Variants in CHERP observed in about 807,000 individuals in gnomAD.
The protein encoded by CHERP is ERPROT 213-21.
CHERP carries 8 observed loss-of-function variants against 113.8 expected under a neutral mutation model. The observed-to-expected ratio is 0.07, with a 90% CI of 0.04 to 0.13. The LOEUF (loss-of-function observed/expected upper bound fraction) is 0.13. CHERP is among the 10% of genes least tolerant of loss of function. The pLI is 1.00. For missense variants in CHERP, 884 were observed against 1,298.2 expected (o/e 0.68, Z 4.90); for synonymous variants, 559 against 524.5 (o/e 1.07, Z -0.90).
rs982450300 is a variant in CHERP, at chr19:16,519,062, A to G, written c.*97T>C. ...GCTCTCCACAAGTGGAGACGGTGTA[A>G]GAACTGAGCTGTCACTGCAATCTTC... is the stretch of plus-strand genomic sequence containing the variant. On this transcript the variant is annotated 3_prime_UTR_variant, in exon 17 of 17. Transcript: ENST00000546361. The surrounding 1 kb of genome is among the most constrained non-coding windows in gnomAD (Gnocchi z 6.0). 3.1e-5 allele frequency: 34 copies of G among 1,111,356 alleles called. No homozygotes were observed. The African/African-American group carries it at 4.3e-4, about 14-fold the overall frequency. The allele number at this position is 1,111,356 out of a possible 1,614,324, so 68.8% of individuals were successfully genotyped here.
At chr19:16,534,696 G>A (rs7259054) in intron 3 of CHERP, among the ~76,000 whole-genome samples, 51,733 of 151,644 alleles carry the variant, frequency 0.34, 10,173 homozygotes, top group African/African-American at 0.55. Context: ...GGCTAGCCTC[G>A]AACTCCTGAC....
At position 16,525,311 on chromosome 19, in the gene CHERP, G is replaced by A. The variant is rs1409686602; in HGVS notation, c.1672C>T (p.Pro558Ser). ...GGCGGCCGCTCGAAGGGGTGCCGTG[G>A]CGGGAAGTCGTCCTGCATGAAGCGG... is the stretch of plus-strand genomic sequence containing the variant. Reference protein sequence around the residue: ...PPRFMQDDFPPRHPFERPPYP... With the variant: ...PPRFMQDDFPSRHPFERPPYP... The change falls in exon 10 of 17, where the codon CCA becomes TCA. Residue 558 changes from proline to serine, a missense_variant. By Grantham distance (74) the Pro-to-Ser change is moderately conservative. Transcript: ENST00000546361. This position sits in a 1 kb window ranked among gnomAD's most constrained non-coding sequence, Gnocchi z 6.5. 1.4e-6 allele frequency: 2 copies of A among 1,455,842 alleles called. No homozygotes were observed. Among genetic ancestry groups the A allele is most frequent in the Non-Finnish European group, 9.1e-7 (1 of 1,103,014 alleles). The allele number at this position is 1,455,842 out of a possible 1,614,324, so 90.2% of individuals were successfully genotyped here.
Position 16,529,800 on chromosome 19 carries a change from G to A in CHERP, c.977C>T (p.Thr326Ile). The stretch of plus-strand genomic sequence containing the variant: ...CTGCTGCTGCTGCTGGGCCAGGCTG[G>A]TGACAAACTCCTCGTGCTGCGTCTT... ...TLKTQHEEFV[T>I]SLAQQQQQQQ... Residue 326 changes from threonine to isoleucine, a missense_variant, in exon 8 of 17, where the codon ACC becomes ATC. By Grantham distance (89) the Thr-to-Ile change is moderately conservative. Around this residue, in one of 8 missense-constraint regions of CHERP, gnomAD observed 464 missense variants for 590.1 expected, o/e 0.79. Coordinates refer to ENST00000546361, the MANE Select transcript of CHERP (RefSeq NM_006387.6). 1 of 1,613,574 alleles carries A rather than the reference G, an allele frequency of 6.2e-7. No homozygotes were observed. Among genetic ancestry groups the A allele is most frequent in the Middle Eastern group, 1.7e-4 (1 of 6,054 alleles).
chr19:16,542,093 A>G (rs2085783949), intron 1 of CHERP, 50 bp from the exon 2 acceptor site: 1 of 1,559,914 alleles, frequency 6.4e-7, no homozygotes, highest in Admixed American at 2.0e-5. Context: ...GACCGCCCAA[A>G]GCCGGGGGAC....
intron 8 of CHERP, 72 bp downstream of exon 8, chr19:16,529,572 GCTTT>G (rs1179781630): frequency 5.4e-6 from 8 of 1,484,078 alleles, no homozygotes; most frequent in African/African-American, 1.4e-5. Context: ...GTGGCAGACT[GCTTT>G]CTGACTACAC....
chr19:16,539,248 C>T (rs368476190), intron 2 of CHERP, among the ~76,000 whole-genome samples: 13 of 150,702 alleles, frequency 8.6e-5, no homozygotes, highest in African/African-American at 2.7e-4. Flanking sequence ...CCCAGGTTCA[C>T]GCCATTCTCC....
At position 16,535,985 on chromosome 19, in the gene CHERP, G is replaced by A. The variant is rs2085738748; in HGVS notation, c.200-349C>T. Among the ~76,000 whole-genome samples, 1 of 152,184 alleles carries A rather than the reference G, an allele frequency of 6.6e-6. No homozygotes were observed. Among genetic ancestry groups the A allele is most frequent in the South Asian group, 2.1e-4 (1 of 4,834 alleles). ...CTCCTCACCCACCTAGGCCCCACCT[G>A]ATGCAGAACCCAGGCCTCAGTACCT... On this transcript the variant is annotated intron_variant, in intron 2 of 16. Coordinates refer to ENST00000546361, the MANE Select transcript of CHERP (RefSeq NM_006387.6). This position sits in a 1 kb window ranked among gnomAD's most constrained non-coding sequence, Gnocchi z 4.3.
At position 16,520,320 on chromosome 19, in the gene CHERP, C is replaced by G; in HGVS notation, c.2345+44G>C. ...GCAGCCAGGCGTCGTGGGGAGGCCA[C>G]AGGAAGAGGCCTCAGGCACTGCCCT... On this transcript the variant is annotated intron_variant, in intron 14 of 16. Transcript: ENST00000546361. This position sits in a 1 kb window ranked among gnomAD's most constrained non-coding sequence, Gnocchi z 4.0. The G allele has an allele frequency of 6.2e-7, 1 of 1,611,410 alleles. No homozygotes were observed. Among genetic ancestry groups the G allele is most frequent in the Non-Finnish European group, 8.5e-7 (1 of 1,178,224 alleles).
chr19:16,531,162 C>T (rs1032534575), intron 5 of CHERP, among the ~76,000 whole-genome samples: 1 of 152,204 alleles, frequency 6.6e-6, no homozygotes, highest in African/African-American at 2.4e-5. Context: ...ATAACCTTCC[C>T]TCCTTCCCTC....
chr19:16,525,138 T>G lies in CHERP; in HGVS notation c.1741+104A>C, dbSNP rs971262027. The G allele has an allele frequency of 9.0e-7, 1 of 1,107,872 alleles. No individual in the cohort carries two copies. The highest frequency in any genetic ancestry group is 1.7e-5 in the African/African-American group (1 of 60,098). 68.6% of individuals were successfully genotyped at this position (1,107,872 alleles called of 1,614,324 possible). On this transcript the variant is annotated intron_variant, in intron 10 of 16. Transcript: ENST00000546361. The surrounding 1 kb of genome is among the most constrained non-coding windows in gnomAD (Gnocchi z 6.5). Reference sequence around the variant, plus strand: ...TCCCATGACCCTGTGTCTGTCACTGTGCACTCAGGAGCATGGCAGGGCCAC... The same window carrying G: ...TCCCATGACCCTGTGTCTGTCACTGGGCACTCAGGAGCATGGCAGGGCCAC...
chr19:16,529,616 T>TG, intron 8 of CHERP, 32 bp downstream of exon 8: 10 of 1,529,588 alleles, frequency 6.5e-6, no homozygotes, highest in Non-Finnish European at 8.8e-6. Context: ...GGCTGTTTCC[T>TG]GGGGGCAGGC....
In CHERP at chr19:16,519,157, G is replaced by T; in HGVS notation, c.*2C>A. 1 of 1,611,524 alleles carries T rather than the reference G, an allele frequency of 6.2e-7. No individual in the cohort carries two copies. The highest frequency in any genetic ancestry group is 1.1e-5 in the South Asian group (1 of 90,732). ...CACCGGCGCGGCTCCCGGCATGGGC[G>T]CCTACTTACACTCGTCCCTGGCCTT... On this transcript the variant is annotated 3_prime_UTR_variant, in exon 17 of 17. Transcript: ENST00000546361. This position sits in a 1 kb window ranked among gnomAD's most constrained non-coding sequence, Gnocchi z 6.0.
chr19:16,538,935 G>GC (rs1478552813), intron 2 of CHERP, among the ~76,000 whole-genome samples: 1 of 150,962 alleles, frequency 6.6e-6, no homozygotes, highest in African/African-American at 2.4e-5. Context: ...CACCCCACCT[G>GC]CCCCCCATGC....
intron 9 of CHERP, among the ~76,000 whole-genome samples, chr19:16,526,713 C>T (rs2085660030): frequency 6.6e-6 from 1 of 151,124 alleles, no homozygotes; most frequent in African/African-American, 2.4e-5. Flanking sequence ...ATGATCTGCC[C>T]ACCTCAGCCT....
Position 16,530,907 on chromosome 19 carries a change from C to G in CHERP, c.675-27G>C, listed in dbSNP as rs2085697621. Reference sequence around the variant, plus strand: ...TGTGAGGGAGAGACTTTCCGCGCGTCAGGGCCCTGGGGCGGGACCCGGCCA... The same window carrying G: ...TGTGAGGGAGAGACTTTCCGCGCGTGAGGGCCCTGGGGCGGGACCCGGCCA... On this transcript the variant is annotated intron_variant, in intron 5 of 16. Coordinates refer to ENST00000546361, the MANE Select transcript of CHERP (RefSeq NM_006387.6). This position sits in a 1 kb window ranked among gnomAD's most constrained non-coding sequence, Gnocchi z 4.1. 1.2e-6 allele frequency: 2 copies of G among 1,608,350 alleles called. No individual in the cohort carries two copies. Among genetic ancestry groups the G allele is most frequent in the African/African-American group, 1.3e-5 (1 of 74,872 alleles).
intron 2 of CHERP, among the ~76,000 whole-genome samples, chr19:16,536,880 C>T (rs12461279): frequency 0.021 from 3,211 of 152,142 alleles, 113 homozygotes; most frequent in Admixed American, 0.082. Context: ...GGCGTGGTGG[C>T]GGGCACCTGT....
intron 11 of CHERP, 115 bp downstream of exon 11, chr19:16,522,937 G>A: frequency 8.1e-7 from 1 of 1,232,432 alleles, no homozygotes; most frequent in East Asian, 2.8e-5. Context: ...CTAGGGAGTG[G>A]GAGATGAAGG....
Position 16,520,938 on chromosome 19 carries a change from GACC to G in CHERP, c.2115-29_2115-27del, listed in dbSNP as rs755107691. ...CTGTAAGACACGGCATTCCGTGTGT[GACC>G]ACGTGACACCCACCCACAAGGAAGT... On this transcript the variant is annotated intron_variant, in intron 12 of 16. Coordinates refer to ENST00000546361, the MANE Select transcript of CHERP (RefSeq NM_006387.6). The surrounding 1 kb of genome is among the most constrained non-coding windows in gnomAD (Gnocchi z 4.0). 71 of 1,583,978 alleles carry G rather than the reference GACC, an allele frequency of 4.5e-5. No individual in the cohort carries two copies. Among genetic ancestry groups the G allele is most frequent in the Non-Finnish European group, 5.6e-5 (65 of 1,153,522 alleles).
chr19:16,521,598 G>A lies in CHERP; in HGVS notation c.2037C>T (p.Pro679=), dbSNP rs759919701. ...CCAGCAGCCTCTCGCTGGGCGGCAT[G>A]GGGGGTGGGAGGCGGATGTCTTTAG... ...LDPKDIRLPP[P]MPPSERLLAA... is the part of the protein sequence containing the mutation. The change falls in exon 12 of 17, where the codon CCC becomes CCT. Residue 679 remains proline, a synonymous_variant. Coordinates refer to ENST00000546361, the MANE Select transcript of CHERP (RefSeq NM_006387.6). The A allele has an allele frequency of 6.2e-7, 1 of 1,608,146 alleles. No homozygotes were observed. The highest frequency in any genetic ancestry group is 1.7e-5 in the Admixed American group (1 of 59,524).
Sources: gnomAD v4.1 joint callset for allele counts (sites outside exome capture counted in the v4.1 genomes callset) on GRCh38, gnomAD v4.1.1 for gene constraint, gnomAD v4.1.1 regional missense constraint, Gnocchi (gnomAD v3.1) non-coding constraint, MANE v1.5 for transcripts, NCBI Gene and HGNC (gene_info 2026-07-23, HGNC 2026-07-21) for gene names.